SEC23A: variants seen among roughly 807,000 people sequenced by gnomAD.
The protein encoded by SEC23A is protein transport protein Sec23A.
In SEC23A, 56 loss-of-function variants were observed where a neutral mutation model predicts 103.7. The ratio of observed to expected loss-of-function variants is 0.54; its 90% CI spans 0.44 to 0.67. SEC23A has a LOEUF of 0.67. Among genes scored for constraint, SEC23A ranks in the 30% least tolerant of loss-of-function variants. SEC23A has a pLI of 0.00. For missense variants in SEC23A, 784 were observed against 936.4 expected (o/e 0.84, Z 2.12); for synonymous variants, 281 against 293.0 (o/e 0.96, Z 0.42).
At chr14:39,060,339 C>G (rs1320519958) in intron 13 of SEC23A, among the ~76,000 whole-genome samples, 1 of 152,098 alleles carries the variant, frequency 6.6e-6, no homozygotes, top group African/African-American at 2.4e-5. Flanking sequence ...AGTAATAGAT[C>G]ACCCAATACA....
intron 13 of SEC23A, among the ~76,000 whole-genome samples, chr14:39,056,139 C>T (rs942097670): frequency 4.6e-5 from 7 of 152,364 alleles, no homozygotes; most frequent in Admixed American, 1.3e-4. Context: ...CTTCATGCCA[C>T]TGTAAGCTTG....
At chr14:39,091,764 T>C (rs1418799848) in intron 4 of SEC23A, 51 bp from the exon 5 acceptor site, 3 of 1,196,408 alleles carry the variant, frequency 2.5e-6, no homozygotes, top group East Asian at 2.3e-5. Context: ...AAGCACAGCA[T>C]ACAAGACAGT....
rs1435785190 is a variant in SEC23A at position 39,091,615 on chromosome 14, T to C, written c.465A>G (p.Leu155=). Residue 155 remains leucine (L), a synonymous_variant, in exon 5 of 20, where the codon TTA becomes TTG. Transcript: ENST00000307712. ...CCAAAGCTGTAGGTGGTAAAAGACT[T>C]AATGACATCTGCATGGATTCTTTCA... The part of the protein sequence containing the change: ...QALKESMQMS[L]SLLPPTALVG... 6.2e-7 allele frequency: 1 copy of C among 1,613,832 alleles called. No homozygotes were observed. Among genetic ancestry groups the C allele is most frequent in the Non-Finnish European group, 8.5e-7 (1 of 1,179,878 alleles).
chr14:39,100,816 C>T (rs1220161256), intron 1 of SEC23A, among the ~76,000 whole-genome samples: 1 of 152,126 alleles, frequency 6.6e-6, no homozygotes, highest in Non-Finnish European at 1.5e-5. Context: ...TTATTCCACA[C>T]ACTATATTAG....
At chr14:39,082,395 A>G (rs1887258324) in intron 7 of SEC23A, among the ~76,000 whole-genome samples, 1 of 152,102 alleles carries the variant, frequency 6.6e-6, no homozygotes, top group South Asian at 2.1e-4. Context: ...ATTGATCAGA[A>G]AAGAATCATC....
At chr14:39,056,775 T>G (rs1886265929) in intron 13 of SEC23A, among the ~76,000 whole-genome samples, 1 of 152,192 alleles carries the variant, frequency 6.6e-6, no homozygotes, top group Admixed American at 6.5e-5. Context: ...ATTAGCATTT[T>G]TTTAAATCAC....
chr14:39,074,391 A>C (rs1273408956), intron 9 of SEC23A, 24 bp downstream of exon 9: 2 of 1,436,814 alleles, frequency 1.4e-6, no homozygotes, highest in East Asian at 4.5e-5. Flanking sequence ...TAATTACAAA[A>C]ACTGTAAAAA....
intron 13 of SEC23A, among the ~76,000 whole-genome samples, chr14:39,058,812 A>G (rs547381006): frequency 3.3e-4 from 50 of 152,338 alleles, no homozygotes; most frequent in African/African-American, 9.9e-4. Context: ...AGTTTGGTTT[A>G]GTGTTTTATT....
At chr14:39,066,015 A>G (rs1449129440) in intron 10 of SEC23A, among the ~76,000 whole-genome samples, 1 of 92,074 alleles carries the variant, frequency 1.1e-5, no homozygotes, top group African/African-American at 3.2e-5. Flanking sequence ...AAAAAAAAAA[A>G]AAAAAAAAAA....
intron 15 of SEC23A, among the ~76,000 whole-genome samples, chr14:39,046,039 G>A (rs1241444513): frequency 6.6e-6 from 1 of 152,134 alleles, no homozygotes; most frequent in African/African-American, 2.4e-5. Context: ...TAAGTCTCAG[G>A]AGATCTGATG....
In SEC23A at chr14:39,033,250, T is replaced by C; in HGVS notation, c.2287A>G (p.Ser763Gly). ...ACATTATTAGCACTTCAAGCAGCAC[T>C]GGACACAGCAAGTTTCTTCAAGTGA... ...MDHLKKLAVSSAA is the reference protein window; with the variant it reads ...MDHLKKLAVSGAA Residue 763 changes from serine (S) to glycine (G), a missense_variant, in exon 20 of 20, where the codon AGT (serine) becomes GGT (glycine). Ser to Gly is a moderately conservative substitution (Grantham distance 56, BLOSUM62 0). Around this residue, in one of 2 missense-constraint regions of SEC23A, gnomAD observed 101 missense variants for 162.2 expected, o/e 0.62. Transcript: ENST00000307712. The C allele has an allele frequency of 6.2e-7, 1 of 1,609,574 alleles. No individual in the cohort carries two copies. Among genetic ancestry groups the C allele is most frequent in the Non-Finnish European group, 8.5e-7 (1 of 1,175,870 alleles).
intron 10 of SEC23A, among the ~76,000 whole-genome samples, chr14:39,066,555 T>C (rs1198932035): frequency 2.6e-5 from 4 of 151,844 alleles, no homozygotes; most frequent in Non-Finnish European, 5.9e-5. Context: ...CTAACATAAA[T>C]AGATTTGGCT....
At chr14:39,052,787 G>C (rs1223883853) in intron 14 of SEC23A, among the ~76,000 whole-genome samples, 3 of 152,190 alleles carry the variant, frequency 2.0e-5, no homozygotes, top group Non-Finnish European at 4.4e-5. Context: ...CACAGTTGTT[G>C]AGAAAAGAAT....
At chr14:39,042,619 T>G (rs1052769954) in intron 17 of SEC23A, among the ~76,000 whole-genome samples, 167 bp downstream of exon 17, 2 of 152,216 alleles carry the variant, frequency 1.3e-5, no homozygotes, top group Admixed American at 6.5e-5. Context: ...TCAACTGCAA[T>G]TGAAGCCTAA....
intron 4 of SEC23A, 44 bp from the exon 5 acceptor site, chr14:39,091,757 C>T: frequency 7.8e-7 from 1 of 1,279,934 alleles, no homozygotes; most frequent in South Asian, 1.2e-5. Flanking sequence ...TAGTTTAAAG[C>T]ACAGCATACA....
At chr14:39,097,019 A>G (rs373904825) in intron 1 of SEC23A, among the ~76,000 whole-genome samples, 2 of 152,318 alleles carry the variant, frequency 1.3e-5, no homozygotes. Context: ...CTGTTCCCCC[A>G]ATTTATATAT....
At chr14:39,089,911 G>C (rs1566511213) in intron 5 of SEC23A, among the ~76,000 whole-genome samples, 1 of 152,156 alleles carries the variant, frequency 6.6e-6, no homozygotes, top group Non-Finnish European at 1.5e-5. Context: ...AGCCAAGATT[G>C]TGCCAATGCA....
intron 5 of SEC23A, chr14:39,090,956 G>T: frequency 3.0e-6 from 1 of 330,392 alleles, no homozygotes; most frequent in South Asian, 2.6e-5. Context: ...GGGGCTGGTG[G>T]ACCTGCTCCA....
chr14:39,065,224 T>C (rs1305457862), intron 10 of SEC23A, among the ~76,000 whole-genome samples: 1 of 152,128 alleles, frequency 6.6e-6, no homozygotes, highest in East Asian at 1.9e-4. Context: ...ATACGAGGTC[T>C]CCATTTGGGA....
Sources: gnomAD v4.1 joint callset for allele counts (sites outside exome capture counted in the v4.1 genomes callset) on GRCh38, gnomAD v4.1.1 for gene constraint, gnomAD v4.1.1 regional missense constraint, MANE v1.5 for transcripts, NCBI Gene and HGNC (gene_info 2026-07-23, HGNC 2026-07-21) for gene names.